CNNM2: variants seen among roughly 807,000 people sequenced by gnomAD.
CNNM2 encodes the protein cyclin and CBS domain divalent metal cation transport mediator 2, also known as metal transporter CNNM2.
CNNM2 carries 12 observed loss-of-function variants against 66.9 expected under a neutral mutation model. The ratio of observed to expected loss-of-function variants is 0.18; its 90% CI spans 0.11 to 0.29. CNNM2 has a LOEUF of 0.29. Ranked by LOEUF, CNNM2 falls within the 10% of genes least tolerant of loss-of-function variation. The pLI is 1.00. For synonymous variants in CNNM2, 557 were observed against 501.8 expected, an observed-to-expected ratio of 1.11 and a Z score of -1.47; for missense variants, 705 against 1,167.7, an observed-to-expected ratio of 0.60 and a Z score of 5.77.
At chr10:102,944,655 A>G (rs1423723772) in intron 1 of CNNM2, among the ~76,000 whole-genome samples, 1 of 149,808 alleles carries the variant, frequency 6.7e-6, no homozygotes, top group African/African-American at 2.5e-5. Flanking sequence ...ATTTGAAAGT[A>G]GGTTGCAGAC....
At chr10:103,019,645 C>G (rs960798864) in intron 1 of CNNM2, among the ~76,000 whole-genome samples, 4 of 152,116 alleles carry the variant, frequency 2.6e-5, no homozygotes, top group African/African-American at 9.7e-5. Flanking sequence ...TCCTCCCAAT[C>G]CTGTGGAGGT....
At chr10:103,075,516 T>C (rs1007254726) in intron 6 of CNNM2, among the ~76,000 whole-genome samples, 3 of 152,222 alleles carry the variant, frequency 2.0e-5, no homozygotes, top group Non-Finnish European at 2.9e-5. Flanking sequence ...TCTAGCTTTC[T>C]TGAATTCCTG....
intron 1 of CNNM2, among the ~76,000 whole-genome samples, chr10:102,997,406 T>G (rs1455127191): frequency 6.6e-6 from 1 of 152,200 alleles, no homozygotes; most frequent in Admixed American, 6.5e-5. Flanking sequence ...TGAAGATGCA[T>G]GTTCTTTCCA....
Position 103,083,342 on chromosome 10 carries a change from TTTTG to T in CNNM2, c.*6166_*6169del, listed in dbSNP as rs1267950360. ...AAATTTTGTGATTGTTTTACAAGGTTTTTGTTTATTTCTATTCTATTTAGATAAA... is the reference window on the plus strand; with the variant it reads ...AAATTTTGTGATTGTTTTACAAGGTTTTTATTTCTATTCTATTTAGATAAA... On this transcript the variant is annotated 3_prime_UTR_variant, in exon 8 of 8. Coordinates refer to ENST00000369878, the MANE Select transcript of CNNM2 (RefSeq NM_017649.5). 14 of 152,352 alleles carry T rather than the reference TTTTG, an allele frequency of 9.2e-5. No individual in the cohort carries two copies. The highest frequency in any genetic ancestry group is 3.4e-3 in the Middle Eastern group (1 of 294). The allele number at this position is 152,352 out of a possible 1,614,324, so 9.4% of individuals were successfully genotyped here.
At chr10:103,015,956 T>C (rs2064439005) in intron 1 of CNNM2, among the ~76,000 whole-genome samples, 1 of 152,158 alleles carries the variant, frequency 6.6e-6, no homozygotes, top group Non-Finnish European at 1.5e-5. Flanking sequence ...CCTGGCTGGA[T>C]TTTAATCTCT....
chr10:103,035,700 G>C (rs772466473), intron 1 of CNNM2, among the ~76,000 whole-genome samples: 1 of 152,138 alleles, frequency 6.6e-6, no homozygotes, highest in Non-Finnish European at 1.5e-5. Flanking sequence ...AAGAACAAGC[G>C]AAAGAGAAAA....
chr10:103,055,288 CTGCA>C (rs1336222049), intron 3 of CNNM2, among the ~76,000 whole-genome samples: 6 of 152,212 alleles, frequency 3.9e-5, no homozygotes, highest in African/African-American at 1.4e-4. Flanking sequence ...TGCCTTTCAT[CTGCA>C]TGCAGTAAAC....
At position 102,919,527 on chromosome 10, in the gene CNNM2, C is replaced by A; in HGVS notation, c.1047C>A (p.Thr349=). The A allele has an allele frequency of 6.2e-7, 1 of 1,613,280 alleles. No individual in the cohort carries two copies. The highest frequency in any genetic ancestry group is 8.5e-7 in the Non-Finnish European group (1 of 1,180,042). The change falls in exon 1 of 8, where the codon ACC becomes ACA. Residue 349 remains threonine (T), a synonymous_variant. Transcript: ENST00000369878. ...GCCTCGTGGCCGTGGTAGTCTCCACCATCGGTATCGTCATCTTCGGAGAGA... is the reference window on the plus strand; with the variant it reads ...GCCTCGTGGCCGTGGTAGTCTCCACAATCGGTATCGTCATCTTCGGAGAGA... ...GSGLVAVVVS[T]IGIVIFGEIV... is the part of the protein sequence containing the mutation.
chr10:102,963,296 A>C (rs533374673), intron 1 of CNNM2, among the ~76,000 whole-genome samples: 11 of 151,974 alleles, frequency 7.2e-5, no homozygotes, highest in African/African-American at 2.4e-4. Flanking sequence ...CTTCACCACC[A>C]CCCCCTTTCC....
chr10:102,994,701 A>G (rs528916232), intron 1 of CNNM2, among the ~76,000 whole-genome samples: 8 of 152,262 alleles, frequency 5.3e-5, no homozygotes, highest in East Asian at 1.9e-4. Context: ...TTTGATCCAC[A>G]GTAAATACCC....
intron 1 of CNNM2, among the ~76,000 whole-genome samples, chr10:102,986,283 T>G (rs2063795823): frequency 6.6e-6 from 1 of 152,098 alleles, no homozygotes; most frequent in Admixed American, 6.6e-5. Context: ...TGAGGCGGTC[T>G]CACTCTGTCA....
intron 1 of CNNM2, among the ~76,000 whole-genome samples, chr10:103,003,933 GTTGTA>G (rs1564841037): frequency 6.7e-6 from 1 of 148,560 alleles, no homozygotes; most frequent in African/African-American, 2.5e-5. Context: ...ATATTTGTGA[GTTGTA>G]TTGTAGACTG....
intron 1 of CNNM2, among the ~76,000 whole-genome samples, chr10:102,956,797 A>AG (rs1308362323): frequency 1.3e-5 from 2 of 152,054 alleles, no homozygotes; most frequent in East Asian, 3.9e-4. Context: ...AGGGCGGGGA[A>AG]CAACACACAC....
At chr10:102,946,898 T>C (rs1846636939) in intron 1 of CNNM2, among the ~76,000 whole-genome samples, 1 of 152,220 alleles carries the variant, frequency 6.6e-6, no homozygotes, top group South Asian at 2.1e-4. Flanking sequence ...TATTGTGATC[T>C]GAGAAAGAAC....
intron 1 of CNNM2, among the ~76,000 whole-genome samples, chr10:102,995,165 T>TCCTCCCCCTCTTCCTCCC (rs2063969651): frequency 9.5e-6 from 1 of 105,814 alleles, no homozygotes; most frequent in Non-Finnish European, 2.0e-5. Context: ...CTCTTCCTCC[T>TCCTCCCCCTCTTCCTCCC]CCTCCCCCTC....
intron 1 of CNNM2, among the ~76,000 whole-genome samples, chr10:102,940,644 T>C (rs1189913112): frequency 1.3e-5 from 2 of 151,246 alleles, no homozygotes; most frequent in Admixed American, 6.6e-5. Flanking sequence ...GGTCTTGATC[T>C]CCTGACCTCG....
chr10:102,975,656 G>A (rs2063617552), intron 1 of CNNM2, among the ~76,000 whole-genome samples: 1 of 152,086 alleles, frequency 6.6e-6, no homozygotes, highest in African/African-American at 2.4e-5. Flanking sequence ...TGTGTTGGCA[G>A]GACCTGTGAA....
chr10:103,004,402 C>T (rs189828005), intron 1 of CNNM2, among the ~76,000 whole-genome samples: 5 of 152,232 alleles, frequency 3.3e-5, no homozygotes, highest in African/African-American at 4.8e-5. Flanking sequence ...TGAATATTCT[C>T]GAACATGTCT....
chr10:103,015,768 G>T (rs765224563), intron 1 of CNNM2, among the ~76,000 whole-genome samples: 43 of 152,204 alleles, frequency 2.8e-4, no homozygotes, highest in Non-Finnish European at 5.0e-4. Flanking sequence ...CAGGAGAATC[G>T]CTTGAACCCG....
Sources: gnomAD v4.1 joint callset for allele counts (sites outside exome capture counted in the v4.1 genomes callset) on GRCh38, gnomAD v4.1.1 for gene constraint, MANE v1.5 for transcripts, NCBI Gene and HGNC (gene_info 2026-07-23, HGNC 2026-07-21) for gene names.